The following BLTP3B variants were observed in gnomAD, a reference collection of about 807,000 sequenced individuals.
The protein encoded by BLTP3B is UHRF1 (ICBP90) binding protein 1-like.
the BLTP3B span, chr12:100,057,778 T>C: frequency 2.9e-5 from 45 of 1,534,680 alleles, no homozygotes; most frequent in African/African-American, 5.5e-4. Flanking sequence ...AATTATTACA[T>C]ATAGAGAAAA....
At chr12:100,140,946 T>C in the BLTP3B span, among the ~76,000 whole-genome samples, 3 of 151,748 alleles carry the variant, frequency 2.0e-5, no homozygotes, top group Non-Finnish European at 4.4e-5. Context: ...TATCTGTTGA[T>C]TGAATTAACT....
chr12:100,097,331 C>A, the BLTP3B span: 1 of 1,591,288 alleles, frequency 6.3e-7, no homozygotes, highest in East Asian at 2.3e-5. Flanking sequence ...CAACAGTTAA[C>A]ACATGAATCA....
the BLTP3B span, chr12:100,039,602 C>T: frequency 6.2e-7 from 1 of 1,611,724 alleles, no homozygotes; most frequent in Non-Finnish European, 8.5e-7. Flanking sequence ...TTACCTGTTC[C>T]CTAGTGAAGT....
the BLTP3B span, among the ~76,000 whole-genome samples, chr12:100,124,781 G>A: frequency 6.6e-6 from 1 of 150,610 alleles, no homozygotes; most frequent in African/African-American, 2.4e-5. Context: ...AATTAGCTGG[G>A]CATGGTGGCA....
chr12:100,128,186 C>CT, the BLTP3B span, among the ~76,000 whole-genome samples: 1 of 152,170 alleles, frequency 6.6e-6, no homozygotes, highest in Non-Finnish European at 1.5e-5. Flanking sequence ...TCAAAGGAGA[C>CT]TTTGTACCTC....
chr12:100,095,980 G>A, the BLTP3B span: 41 of 854,234 alleles, frequency 4.8e-5, no homozygotes, highest in South Asian at 4.2e-4. Context: ...GGCCGGGCAC[G>A]GTGGCTCATG....
chr12:100,105,864 A>C, the BLTP3B span, among the ~76,000 whole-genome samples: 1 of 152,168 alleles, frequency 6.6e-6, no homozygotes, highest in African/African-American at 2.4e-5. Context: ...ATCAGCAAGA[A>C]AAAAAACACG....
the BLTP3B span, among the ~76,000 whole-genome samples, chr12:100,140,902 T>C: frequency 6.6e-6 from 1 of 151,410 alleles, no homozygotes; most frequent in Admixed American, 6.6e-5. Context: ...CCCTCTCAAA[T>C]GGAGTTCTAT....
the BLTP3B span, among the ~76,000 whole-genome samples, chr12:100,069,450 A>C: frequency 6.6e-6 from 1 of 151,176 alleles, no homozygotes; most frequent in Non-Finnish European, 1.5e-5. Flanking sequence ...ATACATACAT[A>C]TATGTGCGTG....
chr12:100,129,605 A>G, the BLTP3B span, among the ~76,000 whole-genome samples: 867 of 152,322 alleles, frequency 5.7e-3, 4 homozygotes, highest in Non-Finnish European at 8.4e-3. Flanking sequence ...TAATAAAACA[A>G]ACAGGATATG....
the BLTP3B span, among the ~76,000 whole-genome samples, chr12:100,087,702 T>C: frequency 6.6e-6 from 1 of 152,244 alleles, no homozygotes; most frequent in Non-Finnish European, 1.5e-5. Context: ...GATTTCACAA[T>C]AGTGATTACA....
chr12:100,059,286 T>C, the BLTP3B span: 36 of 1,613,930 alleles, frequency 2.2e-5, no homozygotes, highest in Non-Finnish European at 3.0e-5. Context: ...TTTGGTATCT[T>C]GTTCATGAGC....
chr12:100,118,045 C>T, the BLTP3B span, among the ~76,000 whole-genome samples: 1 of 151,870 alleles, frequency 6.6e-6, no homozygotes, highest in African/African-American at 2.4e-5. Context: ...GATATCTTGA[C>T]ACAGTTGAAA....
the BLTP3B span, among the ~76,000 whole-genome samples, chr12:100,136,878 C>T: frequency 6.6e-6 from 1 of 151,942 alleles, no homozygotes; most frequent in African/African-American, 2.4e-5. Context: ...ATGGCCCGAT[C>T]TCAGCTCACT....
chr12:100,045,609 T>C, the BLTP3B span, among the ~76,000 whole-genome samples: 1 of 152,138 alleles, frequency 6.6e-6, no homozygotes, highest in Non-Finnish European at 1.5e-5. Context: ...ATGTAAAACC[T>C]AAAATCATAA....
chr12:100,094,402 T>G, the BLTP3B span, among the ~76,000 whole-genome samples: 3 of 152,162 alleles, frequency 2.0e-5, no homozygotes, highest in East Asian at 3.8e-4. Context: ...TGAGCCCCTG[T>G]CCCCTACTTA....
chr12:100,131,105 G>A, the BLTP3B span, among the ~76,000 whole-genome samples: 1 of 150,912 alleles, frequency 6.6e-6, no homozygotes. Context: ...AAATACAAGA[G>A]TTTGAGGTTA....
At chr12:100,133,234 T>C in the BLTP3B span, among the ~76,000 whole-genome samples, 3 of 152,226 alleles carry the variant, frequency 2.0e-5, no homozygotes, top group East Asian at 5.8e-4. Flanking sequence ...AGAGTGAGAC[T>C]GTGTCTCAAA....
At chr12:100,116,138 C>A in the BLTP3B span, among the ~76,000 whole-genome samples, 1 of 150,716 alleles carries the variant, frequency 6.6e-6, no homozygotes, top group East Asian at 2.0e-4. Flanking sequence ...TGCCAATGTA[C>A]TCCAGCCCGG....
Sources: gnomAD v4.1 joint callset for allele counts (sites outside exome capture counted in the v4.1 genomes callset) on GRCh38, gnomAD v4.1.1 for gene constraint, MANE v1.5 for transcripts, NCBI Gene and HGNC (gene_info 2026-07-23, HGNC 2026-07-21) for gene names.